Variants in SH3TC1 observed in about 807,000 individuals in gnomAD.
SH3TC1 encodes SH3 domain and tetratricopeptide repeat-containing protein 1.
SH3TC1 carries 135 observed loss-of-function variants against 117.3 expected under a neutral mutation model. That is an observed-to-expected ratio of 1.15 (90% CI 1.00 to 1.33). The LOEUF (loss-of-function observed/expected upper bound fraction) is 1.33, where lower values mean the gene tolerates loss of function less well. Ranked by LOEUF, SH3TC1 falls within the 40% of genes most tolerant of loss-of-function variation. SH3TC1 has a pLI of 0.00. For missense variants in SH3TC1, 2,092 were observed against 1,794.3 expected (o/e 1.17, Z -3.00); for synonymous variants, 898 against 816.9 (o/e 1.10, Z -1.69).
At position 8,233,562 on chromosome 4, in the gene SH3TC1, T is replaced by C. The variant is rs1452744913; in HGVS notation, c.3282+49T>C. The C allele has an allele frequency of 3.9e-6, 6 of 1,536,606 alleles. No homozygotes were observed. In the South Asian group the frequency reaches 7.7e-5, roughly 20 times the overall value. ...GGCCTCTGCACATGTTCACTCTCCA[T>C]CCATCCATCCGTCCATTGATGATGA... On this transcript the variant is annotated intron_variant, in intron 14 of 17. Coordinates refer to ENST00000245105, the MANE Select transcript of SH3TC1 (RefSeq NM_018986.5).
Position 8,194,242 on chromosome 4 carries a change from G to A in SH3TC1, c.-57+12032G>A, listed in dbSNP as rs527603908. On this transcript the variant is annotated intron_variant, in intron 1 of 16. Coordinates refer to the SH3TC1 transcript ENST00000508641. Reference sequence around the variant, plus strand: ...TGAAGGGTGTGGCTGGGGGCTTCACGCTGCTCTGTCCCAGGTGGGCCAGAT... The same window carrying A: ...TGAAGGGTGTGGCTGGGGGCTTCACACTGCTCTGTCCCAGGTGGGCCAGAT... 2.5e-3 allele frequency among the ~76,000 whole-genome samples: 388 copies of A among 152,320 alleles called. 1 individual carries two copies. Among genetic ancestry groups the A allele is most frequent in the African/African-American group, 9.0e-3 (375 of 41,570 alleles).
Position 8,219,330 on chromosome 4 carries a change from C to T in SH3TC1, c.917-5C>T, listed in dbSNP as rs781769404. 4.6e-5 allele frequency: 73 copies of T among 1,574,322 alleles called. No homozygotes were observed. The highest frequency in any genetic ancestry group is 3.1e-4 in the Admixed American group (18 of 57,310). On this transcript the variant is annotated splice_region_variant and splice_polypyrimidine_tract_variant and intron_variant, in intron 8 of 17. Transcript: ENST00000245105. The stretch of plus-strand genomic sequence containing the variant: ...TGGCACTCACCATGTGGCTTTCTTC[C>T]GCAGCTGTGGGCCTGGCCTCGGCAT...
At chr4:8,211,417 G>A (rs116040022) in intron 3 of SH3TC1, among the ~76,000 whole-genome samples, 82 of 6,358 alleles carry the variant, frequency 0.013, 9 homozygotes, top group African/African-American at 0.11. Context: ...TCCCCCTCCT[G>A]GTTTCTCCCC....
intron 1 of SH3TC1, chr4:8,201,509 G>A (rs1235825809): frequency 6.6e-6 from 1 of 152,446 alleles, no homozygotes; most frequent in Non-Finnish European, 1.5e-5. Context: ...AGGCAGGAAG[G>A]AGAGAGTCCT....
intron 1 of SH3TC1, among the ~76,000 whole-genome samples, chr4:8,203,327 C>T (rs1265799524): frequency 6.6e-6 from 1 of 152,038 alleles, no homozygotes; most frequent in Non-Finnish European, 1.5e-5. Flanking sequence ...AATTGCCTAG[C>T]CCCTCAGAGC....
At chr4:8,207,077 C>CA (rs34956323) in intron 2 of SH3TC1, among the ~76,000 whole-genome samples, 14,218 of 138,486 alleles carry the variant, frequency 0.1, 975 homozygotes, top group East Asian at 0.36. Flanking sequence ...TCCTTTATAG[C>CA]AAAAAAAAAA....
At chr4:8,188,774 T>C (rs1578633692) in intron 1 of SH3TC1, among the ~76,000 whole-genome samples, 1 of 152,168 alleles carries the variant, frequency 6.6e-6, no homozygotes, top group African/African-American at 2.4e-5. Flanking sequence ...CCCCAGCGGG[T>C]TAGCAGGCAT....
At chr4:8,212,866 T>C in intron 4 of SH3TC1, 38 bp downstream of exon 4, 1 of 1,511,846 alleles carries the variant, frequency 6.6e-7, no homozygotes, top group Non-Finnish European at 8.9e-7. Context: ...GGATGGGAGC[T>C]GGAGTCAGGG....
intron 1 of SH3TC1, among the ~76,000 whole-genome samples, chr4:8,189,819 G>A (rs970732776): frequency 1.3e-5 from 2 of 152,164 alleles, no homozygotes; most frequent in East Asian, 3.9e-4. Context: ...AGACCCCGCC[G>A]GCGTGAGCTC....
chr4:8,217,242 A>G, intron 7 of SH3TC1, 75 bp downstream of exon 7: 1 of 1,526,160 alleles, frequency 6.6e-7, no homozygotes, highest in South Asian at 1.2e-5. Context: ...TCTGGAGGTC[A>G]AGGGGATGGA....
chr4:8,216,068 C>G (rs1312536621), intron 5 of SH3TC1, 43 bp from the exon 6 acceptor site: 1 of 1,605,982 alleles, frequency 6.2e-7, no homozygotes, highest in Non-Finnish European at 8.5e-7. Flanking sequence ...GCCTCCCTGC[C>G]CCTCTTCTGG....
At chr4:8,198,789 G>A (rs554116025), upstream of SH3TC1, among the ~76,000 whole-genome samples, 37 of 152,354 alleles carry the variant, frequency 2.4e-4, no homozygotes, top group Admixed American at 6.5e-4. Context: ...GGGCAGAGAC[G>A]GAAGAAATTG....
At position 8,237,682 on chromosome 4, in the gene SH3TC1, G is replaced by A. The variant is rs1331020435; in HGVS notation, c.3753+12G>A. 4 of 1,587,904 alleles carry A rather than the reference G, an allele frequency of 2.5e-6. No homozygotes were observed. The African/African-American group carries it at 4.0e-5, about 16-fold the overall frequency. ...TCTACGACCTGAAGGTGGGTGGGGA[G>A]GGGCTGGGCTCAGGGTGTTCCCGGC... On this transcript the variant is annotated intron_variant, in intron 17 of 17. Coordinates refer to ENST00000245105, the MANE Select transcript of SH3TC1 (RefSeq NM_018986.5).
rs761827976 is a variant in SH3TC1 at position 8,216,925 on chromosome 4, C to T, written c.629-32C>T. The stretch of plus-strand genomic sequence containing the variant: ...GGGCCACAGCTGCGCCCAGTCCGGC[C>T]ACCCTCAGTGACCACCTCCATCCTT... On this transcript the variant is annotated intron_variant, in intron 6 of 17. Transcript: ENST00000245105. The T allele has an allele frequency of 8.1e-6, 13 of 1,610,548 alleles. No individual in the cohort carries two copies. In the Admixed American group the frequency reaches 1.7e-4, roughly 21 times the overall value.
intron 11 of SH3TC1, among the ~76,000 whole-genome samples, chr4:8,226,362 C>T (rs991829836): frequency 6.6e-6 from 1 of 152,208 alleles, no homozygotes; most frequent in Non-Finnish European, 1.5e-5. Context: ...AAGGTGGTCA[C>T]AGGAGCCTGG....
intron 4 of SH3TC1, chr4:8,213,255 AC>A (rs1718911215): frequency 6.1e-6 from 1 of 164,846 alleles, no homozygotes; most frequent in African/African-American, 2.4e-5. Flanking sequence ...GTGTGTCTTG[AC>A]CTGGCAGACC....
chr4:8,220,689 T>C (rs902851375), intron 9 of SH3TC1, among the ~76,000 whole-genome samples: 1 of 152,106 alleles, frequency 6.6e-6, no homozygotes, highest in Admixed American at 6.5e-5. Flanking sequence ...GCCCCACCAA[T>C]GAGATGCTTG....
Position 8,210,339 on chromosome 4 carries a change from G to C in SH3TC1, c.247+517G>C, listed in dbSNP as rs960190221. Among the ~76,000 whole-genome samples, 5 of 152,254 alleles carry C rather than the reference G, an allele frequency of 3.3e-5. No homozygotes were observed. Among genetic ancestry groups the C allele is most frequent in the Admixed American group, 6.5e-5 (1 of 15,290 alleles). Reference sequence around the variant, plus strand: ...CAACCCCCCGCTGGGGAGGAATGGAGACCCCAGCATCCATTGCTGGCTTTG... The same window carrying C: ...CAACCCCCCGCTGGGGAGGAATGGACACCCCAGCATCCATTGCTGGCTTTG... On this transcript the variant is annotated intron_variant, in intron 3 of 17. Coordinates refer to ENST00000245105, the MANE Select transcript of SH3TC1 (RefSeq NM_018986.5). This position sits in a 1 kb window ranked among gnomAD's most constrained non-coding sequence, Gnocchi z 4.1.
At position 8,235,528 on chromosome 4, in the gene SH3TC1, G is replaced by A. The variant is rs57688695; in HGVS notation, c.3378G>A (p.Glu1126=). The change falls in exon 15 of 18, where the codon GAG becomes GAA. Residue 1126 remains glutamate, a synonymous_variant. Transcript: ENST00000245105. ...ACATCTTCTTCGACGGGGCCTGGGA[G>A]CGGGAGAAAGCTGTGTCCTTCTACC... is the stretch of plus-strand genomic sequence containing the variant. ...AGDIFFDGAW[E]REKAVSFYRD... The A allele has an allele frequency of 6.4e-3, 10,193 of 1,604,892 alleles. 608 individuals are homozygous for A. The African/African-American group carries it at 0.12, about 19-fold the overall frequency.
Sources: allele counts gnomAD v4.1 joint callset (sites outside exome capture counted in the v4.1 genomes callset), GRCh38; gene constraint gnomAD v4.1.1; non-coding constraint Gnocchi (gnomAD v3.1); transcripts MANE v1.5; gene names NCBI Gene and HGNC (gene_info 2026-07-23, HGNC 2026-07-21).